Variants in STK38 observed in about 807,000 individuals in gnomAD.
STK38 encodes serine/threonine-protein kinase 38.
Under a neutral mutation model 59.0 loss-of-function variants are expected in STK38, and 26 were observed. The ratio of observed to expected loss-of-function variants is 0.44; its 90% CI spans 0.32 to 0.61. The LOEUF is 0.61. STK38 is among the 20% of genes least tolerant of loss of function. STK38 has a pLI of 0.04. For missense variants in STK38, 433 were observed against 566.0 expected (o/e 0.76, Z 2.38); for synonymous variants, 175 against 176.6 (o/e 0.99, Z 0.07).
At chr6:36,498,207 T>C (rs1776752072) in intron 11 of STK38, among the ~76,000 whole-genome samples, 156 bp downstream of exon 11, 2 of 152,076 alleles carry the variant, frequency 1.3e-5, no homozygotes, top group African/African-American at 2.4e-5. Flanking sequence ...GCTGGAATTA[T>C]AGGCGTAAGC....
chr6:36,522,781 G>A (rs965662655), intron 4 of STK38, among the ~76,000 whole-genome samples: 2 of 144,256 alleles, frequency 1.4e-5, no homozygotes, highest in East Asian at 2.1e-4. Flanking sequence ...ACTTGAACCC[G>A]AGAGGCGGAG....
chr6:36,494,380 A>C lies in STK38; in HGVS notation c.*1404T>G, dbSNP rs921013459. 6.5e-6 allele frequency: 1 copy of C among 152,716 alleles called. No individual in the cohort carries two copies. Among genetic ancestry groups the C allele is most frequent in the South Asian group, 2.1e-4 (1 of 4,836 alleles). The allele number at this position is 152,716 out of a possible 1,614,324, so 9.5% of individuals were successfully genotyped here. Reference sequence around the variant, plus strand: ...CTGCAGCTCGGCCACAATACTTTGCAACAGGCAAAGTTCCCACATAGGTGC... The same window carrying C: ...CTGCAGCTCGGCCACAATACTTTGCCACAGGCAAAGTTCCCACATAGGTGC... On this transcript the variant is annotated 3_prime_UTR_variant, in exon 14 of 14. Coordinates refer to ENST00000229812, the MANE Select transcript of STK38 (RefSeq NM_007271.4).
rs575192266 is a variant in STK38, at chr6:36,495,205, T to A, written c.*579A>T. On this transcript the variant is annotated 3_prime_UTR_variant, in exon 14 of 14. Transcript: ENST00000229812. ...TTAGTACCATAAATAAAGTGCACCA[T>A]GAATGGAGGCTATAAGCCACTCGCC... is the stretch of plus-strand genomic sequence containing the variant. The A allele has an allele frequency of 6.5e-6, 1 of 153,144 alleles. No individual in the cohort carries two copies. Among genetic ancestry groups the A allele is most frequent in the East Asian group, 1.9e-4 (1 of 5,180 alleles). 9.5% of individuals were successfully genotyped at this position (153,144 alleles called of 1,614,324 possible).
At chr6:36,501,251 C>T (rs932534632) in intron 9 of STK38, among the ~76,000 whole-genome samples, 2 of 152,002 alleles carry the variant, frequency 1.3e-5, no homozygotes, top group South Asian at 4.1e-4. Context: ...CCGCACCTGA[C>T]CAAGAGAAAC....
intron 1 of STK38, among the ~76,000 whole-genome samples, chr6:36,544,076 A>G (rs988731996): frequency 2.0e-5 from 3 of 151,734 alleles, no homozygotes; most frequent in African/African-American, 7.3e-5. Context: ...ATTATTTAAA[A>G]AGCAATTATT....
In STK38 at chr6:36,499,837, T is replaced by C. The variant is rs537820332; in HGVS notation, c.952+36A>G. On this transcript the variant is annotated intron_variant, in intron 10 of 13. Transcript: ENST00000229812. Reference sequence around the variant, plus strand: ...TATCAATGTAAAAGTCTGTCATGGATGCACAGAAAAAGTCCTCTGAAACCA... The same window carrying C: ...TATCAATGTAAAAGTCTGTCATGGACGCACAGAAAAAGTCCTCTGAAACCA... 37 of 1,511,656 alleles carry C rather than the reference T, an allele frequency of 2.4e-5. No individual in the cohort carries two copies. In the African/African-American group the frequency reaches 3.8e-4, roughly 16 times the overall value. 93.6% of individuals were successfully genotyped at this position (1,511,656 alleles called of 1,614,324 possible). A position where few individuals can be genotyped will look rare whatever the true frequency, so the allele number is the denominator to read the frequency against.
At chr6:36,543,134 G>C (rs535599927) in intron 1 of STK38, among the ~76,000 whole-genome samples, 2 of 150,276 alleles carry the variant, frequency 1.3e-5, no homozygotes, top group Admixed American at 6.6e-5. Flanking sequence ...GCGCGATCTC[G>C]GCTCACTCCA....
At chr6:36,510,963 C>T (rs1308638623) in intron 7 of STK38, among the ~76,000 whole-genome samples, 1 of 152,074 alleles carries the variant, frequency 6.6e-6, no homozygotes, top group Non-Finnish European at 1.5e-5. Context: ...ATATAACTAG[C>T]CCTAAGGAAA....
intron 7 of STK38, among the ~76,000 whole-genome samples, chr6:36,508,090 C>G (rs149291335): frequency 1.3e-5 from 2 of 151,992 alleles, no homozygotes; most frequent in African/African-American, 2.4e-5. Context: ...TGTGCCACCA[C>G]GTCCGACTAA....
At chr6:36,499,818 T>TTGGCA in intron 10 of STK38, 55 bp downstream of exon 10, 1 of 1,345,346 alleles carries the variant, frequency 7.4e-7, no homozygotes, top group Non-Finnish European at 1.1e-6. Context: ...CTGGTATCAA[T>TTGGCA]GTAAAAGTCT....
rs866454060 is a variant in STK38, at chr6:36,526,116, C to T, written c.132-474G>A. Among the ~76,000 whole-genome samples, 70 of 152,240 alleles carry T rather than the reference C, an allele frequency of 4.6e-4. 2 individuals are homozygous for T. The Middle Eastern group carries it at 0.017, about 37-fold the overall frequency. On this transcript the variant is annotated intron_variant, in intron 2 of 13. Coordinates refer to ENST00000229812, the MANE Select transcript of STK38 (RefSeq NM_007271.4). ...AAAGTGTTGCGATTACAGGTGTGAG[C>T]CACCATGCCCCGCCCTTAGGTCTAC... is the stretch of plus-strand genomic sequence containing the variant.
At position 36,529,370 on chromosome 6, in the gene STK38, T is replaced by C. The variant is rs118046823; in HGVS notation, c.132-3728A>G. On this transcript the variant is annotated intron_variant, in intron 2 of 13. Transcript: ENST00000229812. ...TGAATATATTGAAACGGGGTCACTA[T>C]ATTATTCCACCTATGTTTAAAATTG... 1.6e-4 allele frequency among the ~76,000 whole-genome samples: 25 copies of C among 152,352 alleles called. No homozygotes were observed. The East Asian group carries it at 3.5e-3, about 21-fold the overall frequency.
intron 9 of STK38, among the ~76,000 whole-genome samples, chr6:36,504,898 C>CAAAAAAAAAAAAAAAAAA (rs562032331): frequency 1.7e-3 from 110 of 63,860 alleles, no homozygotes; most frequent in Non-Finnish European, 2.0e-3. Context: ...TCCTGGCCTC[C>CAAAAAAAAAAAAAAAAAA]AAAAAAAAAA....
At chr6:36,513,746 G>T (rs1163595146) in intron 7 of STK38, among the ~76,000 whole-genome samples, 1 of 149,198 alleles carries the variant, frequency 6.7e-6, no homozygotes, top group Non-Finnish European at 1.5e-5. Context: ...GCTCACACTT[G>T]TAATCCCAGG....
intron 2 of STK38, among the ~76,000 whole-genome samples, chr6:36,527,207 A>AAAAAAAAAAAAAATAT (rs60162863): frequency 2.5e-5 from 3 of 119,354 alleles, no homozygotes; most frequent in African/African-American, 1.1e-4. Flanking sequence ...AAAAAAAAAA[A>AAAAAAAAAAAAAATAT]ATATATGTAT....
intron 5 of STK38, 47 bp downstream of exon 5, chr6:36,521,687 G>A: frequency 7.0e-7 from 1 of 1,437,630 alleles, no homozygotes; most frequent in Non-Finnish European, 9.3e-7. Context: ...AAAGTTTTAG[G>A]AGACAAAAAT....
At chr6:36,502,939 T>C (rs75998141) in intron 9 of STK38, among the ~76,000 whole-genome samples, 14 of 152,362 alleles carry the variant, frequency 9.2e-5, no homozygotes, top group Non-Finnish European at 7.3e-5. Flanking sequence ...CTGTCACAAG[T>C]AGCTGTTCGT....
At position 36,547,325 on chromosome 6, in the gene STK38, G is replaced by A. The variant is rs2127496040; in HGVS notation, c.-141C>T. 6.5e-6 allele frequency: 1 copy of A among 152,810 alleles called. No homozygotes were observed. The highest frequency in any genetic ancestry group is 2.1e-4 in the South Asian group (1 of 4,846). 9.5% of individuals were successfully genotyped at this position (152,810 alleles called of 1,614,324 possible). ...CCAAAGACGGGAGGGGACGCGTGAGGGACTCTGAGACAGGGGGCAACAGGC... is the reference window on the plus strand; with the variant it reads ...CCAAAGACGGGAGGGGACGCGTGAGAGACTCTGAGACAGGGGGCAACAGGC... On this transcript the variant is annotated 5_prime_UTR_variant, in exon 1 of 14. Coordinates refer to ENST00000229812, the MANE Select transcript of STK38 (RefSeq NM_007271.4).
At chr6:36,528,934 A>G (rs1777602381) in intron 2 of STK38, among the ~76,000 whole-genome samples, 1 of 152,248 alleles carries the variant, frequency 6.6e-6, no homozygotes, top group Non-Finnish European at 1.5e-5. Flanking sequence ...GTGTAATTAA[A>G]TTGGTTGCAG....
Sources: gnomAD v4.1 joint callset for allele counts (sites outside exome capture counted in the v4.1 genomes callset) on GRCh38, gnomAD v4.1.1 for gene constraint, MANE v1.5 for transcripts, NCBI Gene and HGNC (gene_info 2026-07-23, HGNC 2026-07-21) for gene names.